The following KAZN variants were observed in gnomAD, a reference collection of about 807,000 sequenced individuals.
KAZN encodes kazrin.
Under a neutral mutation model 87.4 loss-of-function variants are expected in KAZN, and 40 were observed. That is an observed-to-expected ratio of 0.46 (90% CI 0.36 to 0.60). The LOEUF is 0.60. KAZN is among the 20% of genes least tolerant of loss of function. The pLI, the probability that KAZN is intolerant of heterozygous loss-of-function variation, is 0.00. For synonymous variants in KAZN, 466 were observed against 458.3 expected (o/e 1.02, Z -0.22); for missense variants, 898 against 1,073.9 (o/e 0.84, Z 2.29).
intron 2 of KAZN, among the ~76,000 whole-genome samples, chr1:14,536,903 C>T (rs1158378702): frequency 6.6e-6 from 1 of 151,976 alleles, no homozygotes; most frequent in East Asian, 1.9e-4. Flanking sequence ...AAGTTGAAGT[C>T]GGCCACTCTG....
chr1:14,279,991 A>G (rs908288909), intron 2 of KAZN, among the ~76,000 whole-genome samples: 2 of 152,136 alleles, frequency 1.3e-5, no homozygotes, highest in African/African-American at 2.4e-5. Flanking sequence ...AAAAATCCAG[A>G]TGTCAAAATC....
chr1:14,216,863 C>T (rs555792831), intron 2 of KAZN, among the ~76,000 whole-genome samples: 7 of 152,212 alleles, frequency 4.6e-5, no homozygotes, highest in African/African-American at 1.7e-4. Context: ...GAGATCTCAC[C>T]ATTGCACTAC....
intron 2 of KAZN, among the ~76,000 whole-genome samples, chr1:14,547,380 T>C (rs942221047): frequency 2.0e-5 from 3 of 152,218 alleles, no homozygotes; most frequent in African/African-American, 7.2e-5. Flanking sequence ...AGTCTTGACT[T>C]TGTCATTAAC....
intron 1 of KAZN, among the ~76,000 whole-genome samples, chr1:14,641,191 A>G (rs1405876332): frequency 1.3e-5 from 2 of 152,138 alleles, no homozygotes; most frequent in Non-Finnish European, 2.9e-5. Context: ...TATCCCAGCA[A>G]TATAGGGAGG....
In KAZN at chr1:14,883,341, A is replaced by AAAGAAAG. The variant is rs1278793592; in HGVS notation, c.227-77343_227-77342insAAGAAAG. Reference sequence around the variant, plus strand: ...GAAAGAGAGAGAGAGAGAGAGAGAGAGAAAGAAAGAAAGAAAAGAAAGAAA... The same window carrying AAAGAAAG: ...GAAAGAGAGAGAGAGAGAGAGAGAGAAAGAAAGGAAAGAAAGAAAGAAAAGAAAGAAA... On this transcript the variant is annotated intron_variant, in intron 1 of 14. Coordinates refer to ENST00000376030, the MANE Select transcript of KAZN (RefSeq NM_201628.3). Among the ~76,000 whole-genome samples the AAAGAAAG allele has an allele frequency of 1.0e-4, 3 of 29,510 alleles. 1 individual carries two copies. Among genetic ancestry groups the AAAGAAAG allele is most frequent in the African/African-American group, 2.7e-4 (3 of 11,170 alleles). 19.4% of individuals were successfully genotyped at this position (29,510 alleles called of 152,430 possible).
At chr1:14,475,198 G>A (rs903921831) in intron 2 of KAZN, among the ~76,000 whole-genome samples, 4 of 152,144 alleles carry the variant, frequency 2.6e-5, no homozygotes, top group Non-Finnish European at 5.9e-5. Flanking sequence ...GATATTGGGT[G>A]ATGTGTGGGT....
intron 1 of KAZN, among the ~76,000 whole-genome samples, chr1:14,781,009 G>A (rs922359042): frequency 1.3e-5 from 2 of 152,180 alleles, no homozygotes; most frequent in Admixed American, 6.5e-5. Flanking sequence ...TGAAGGCACC[G>A]AGAGTAAATA....
intron 2 of KAZN, among the ~76,000 whole-genome samples, chr1:14,249,529 A>G (rs1649817698): frequency 6.6e-6 from 1 of 152,210 alleles, no homozygotes; most frequent in Non-Finnish European, 1.5e-5. Flanking sequence ...AGTCCTCTCC[A>G]ATTCTGCATT....
Position 15,112,498 on chromosome 1 carries a change from G to T in KAZN, c.2120G>T (p.Gly707Val), listed in dbSNP as rs753606105. 2 of 1,606,656 alleles carry T rather than the reference G, an allele frequency of 1.2e-6. No homozygotes were observed. The highest frequency in any genetic ancestry group is 1.3e-5 in the African/African-American group (1 of 74,152). ...PGRASSVTRAGKEENSSGLKY... is the reference protein window; with the variant it reads ...PGRASSVTRAVKEENSSGLKY... ...AGGGCCTCCAGCGTCACGCGGGCAG[G>T]AAAGGAGGAGAACAGCAGCGGTCTC... Residue 707 changes from glycine to valine, a missense_variant, in exon 14 of 15, where the codon GGA (glycine) becomes GTA (valine). Physicochemically the swap from Gly to Val is moderately radical, Grantham distance 109 (BLOSUM62 -3). This residue lies in a region of KAZN where 127 missense variants were observed against 121.5 expected (regional missense o/e 1.04). Coordinates refer to ENST00000376030, the MANE Select transcript of KAZN (RefSeq NM_201628.3).
chr1:15,085,300 T>C (rs917968842), intron 8 of KAZN, among the ~76,000 whole-genome samples: 3 of 152,200 alleles, frequency 2.0e-5, no homozygotes, highest in Non-Finnish European at 4.4e-5. Flanking sequence ...GGTCTTTAGT[T>C]GTATCAGCCA....
chr1:14,645,677 T>C (rs1365223540), intron 1 of KAZN, among the ~76,000 whole-genome samples: 1 of 152,206 alleles, frequency 6.6e-6, no homozygotes, highest in East Asian at 1.9e-4. Flanking sequence ...AGATACAGAA[T>C]CATGTCGTCT....
rs1218127643 is a variant in KAZN at position 14,338,485 on chromosome 1, AG to A, written c.249+157894del. On this transcript the variant is annotated intron_variant, in intron 2 of 16. Transcript: ENST00000636203. ...GGGCAACAGAATGAGACTCCATCTT[AG>A]AGAAAAAAAAAAAAAAAAAGAGAGA... Among the ~76,000 whole-genome samples the A allele has an allele frequency of 6.3e-3, 802 of 127,730 alleles. 8 individuals are homozygous for A. The highest frequency in any genetic ancestry group is 0.026 in the African/African-American group (761 of 28,990). 83.8% of individuals were successfully genotyped at this position (127,730 alleles called of 152,430 possible).
intron 2 of KAZN, among the ~76,000 whole-genome samples, chr1:14,491,903 T>G (rs1669668606): frequency 3.3e-5 from 5 of 152,218 alleles, no homozygotes; most frequent in Admixed American, 3.3e-4. Flanking sequence ...GCTTGTATTA[T>G]TTAACTTTTT....
intron 1 of KAZN, among the ~76,000 whole-genome samples, chr1:13,935,907 C>A (rs1640716024): frequency 8.3e-6 from 1 of 119,820 alleles, no homozygotes; most frequent in Non-Finnish European, 1.8e-5. Context: ...TGTGTAGAAT[C>A]AGATAAATTA....
At chr1:14,750,846 C>A (rs932362190) in intron 1 of KAZN, among the ~76,000 whole-genome samples, 1 of 152,162 alleles carries the variant, frequency 6.6e-6, no homozygotes, top group Non-Finnish European at 1.5e-5. Context: ...GTTCTCCCAT[C>A]ATGAGGCTAT....
At chr1:14,743,771 A>T (rs1644183783) in intron 1 of KAZN, among the ~76,000 whole-genome samples, 1 of 152,086 alleles carries the variant, frequency 6.6e-6, no homozygotes, top group Non-Finnish European at 1.5e-5. Flanking sequence ...TAGCGTTGGC[A>T]GTGGTGGGAG....
chr1:15,114,742 T>C lies in KAZN; in HGVS notation c.*107T>C. ...GTACATAGCGGCCGCAGGCTGAGGA[T>C]GTCCCTTGCTCCTGGGCAAAATCCC... On this transcript the variant is annotated 3_prime_UTR_variant, in exon 15 of 15. Coordinates refer to ENST00000376030, the MANE Select transcript of KAZN (RefSeq NM_201628.3). The C allele has an allele frequency of 8.5e-7, 1 of 1,171,714 alleles. No homozygotes were observed. The highest frequency in any genetic ancestry group is 1.2e-6 in the Non-Finnish European group (1 of 844,450). The allele number at this position is 1,171,714 out of a possible 1,614,324, so 72.6% of individuals were successfully genotyped here.
At chr1:14,607,901 T>C (rs1290312075) in intron 1 of KAZN, among the ~76,000 whole-genome samples, 1 of 152,224 alleles carries the variant, frequency 6.6e-6, no homozygotes, top group Admixed American at 6.5e-5. Flanking sequence ...CGTTGAGGCT[T>C]TCCCAGATAC....
chr1:14,568,436 T>C (rs149883029), intron 2 of KAZN, among the ~76,000 whole-genome samples: 4 of 152,294 alleles, frequency 2.6e-5, no homozygotes, highest in South Asian at 2.1e-4. Context: ...CAATTCCACA[T>C]GGCCGGAGAG....
Sources: allele counts gnomAD v4.1 joint callset (sites outside exome capture counted in the v4.1 genomes callset), GRCh38; gene constraint gnomAD v4.1.1; regional missense constraint gnomAD v4.1.1; transcripts MANE v1.5; gene names NCBI Gene and HGNC (gene_info 2026-07-23, HGNC 2026-07-21).